FGF10: variants seen among roughly 807,000 people sequenced by gnomAD.
The protein encoded by FGF10 is FGF-10.
In FGF10, 2 loss-of-function variants were observed where a neutral mutation model predicts 19.8. That is an observed-to-expected ratio of 0.10 (90% CI 0.04 to 0.32). The LOEUF is 0.32. FGF10 is among the 10% of genes least tolerant of loss of function. The pLI is 1.00. For synonymous variants in FGF10, 112 were observed against 94.0 expected, an observed-to-expected ratio of 1.19 and a Z score of -1.10; for missense variants, 191 against 246.3, an observed-to-expected ratio of 0.78 and a Z score of 1.50.
chr5:44,315,573 C>T (rs1740325817), intron 1 of FGF10, among the ~76,000 whole-genome samples: 1 of 152,122 alleles, frequency 6.6e-6, no homozygotes, highest in Admixed American at 6.6e-5. Flanking sequence ...CTCATTAATT[C>T]AGAATCAGTC....
At chr5:44,348,167 CT>C (rs1236215763) in intron 1 of FGF10, among the ~76,000 whole-genome samples, 4 of 151,380 alleles carry the variant, frequency 2.6e-5, no homozygotes, top group Admixed American at 1.3e-4. Flanking sequence ...AGACTTGCAA[CT>C]TTTTTTTAAA....
rs191844457 is a variant in FGF10, at chr5:44,327,260, T to G, written c.326-16730A>C. Among the ~76,000 whole-genome samples the G allele has an allele frequency of 3.3e-5, 5 of 152,336 alleles. No homozygotes were observed. In the East Asian group the frequency reaches 7.7e-4, roughly 23 times the overall value. On this transcript the variant is annotated intron_variant, in intron 1 of 2. Coordinates refer to ENST00000264664, the MANE Select transcript of FGF10 (RefSeq NM_004465.2). ...ATGTTTACTGGGTATAAAAGCCATC[T>G]ACGAAACATAAGAAGGATTTCTTGT...
intron 1 of FGF10, among the ~76,000 whole-genome samples, chr5:44,384,249 A>G (rs1051511081): frequency 6.6e-5 from 10 of 152,118 alleles, no homozygotes; most frequent in African/African-American, 2.4e-4. Flanking sequence ...TTAAATAGTC[A>G]TGTATTCCTA....
chr5:44,375,684 T>C (rs895479800), intron 1 of FGF10, among the ~76,000 whole-genome samples: 3 of 152,158 alleles, frequency 2.0e-5, no homozygotes, highest in African/African-American at 7.2e-5. Context: ...GTGCCTTACA[T>C]AGACCACACT....
At chr5:44,325,539 G>A (rs1417461151) in intron 1 of FGF10, among the ~76,000 whole-genome samples, 1 of 152,118 alleles carries the variant, frequency 6.6e-6, no homozygotes, top group African/African-American at 2.4e-5. Context: ...TATACACCAT[G>A]GAATACTATG....
intron 1 of FGF10, among the ~76,000 whole-genome samples, chr5:44,329,422 G>A (rs138062648): frequency 5.3e-5 from 8 of 152,062 alleles, no homozygotes; most frequent in Admixed American, 2.0e-4. Context: ...TGATCCTCCC[G>A]CCTCGGCACC....
rs114892627 is a variant in FGF10, at chr5:44,341,282, C to T, written c.326-30752G>A. Reference sequence around the variant, plus strand: ...GAAAATGTGGTATACATAAGGAATGCTGCATTGGATAAAAATTGGTAAAAT... The same window carrying T: ...GAAAATGTGGTATACATAAGGAATGTTGCATTGGATAAAAATTGGTAAAAT... On this transcript the variant is annotated intron_variant, in intron 1 of 2. Transcript: ENST00000264664. 6.5e-3 allele frequency among the ~76,000 whole-genome samples: 990 copies of T among 151,868 alleles called. 13 individuals are homozygous for T. Among genetic ancestry groups the T allele is most frequent in the African/African-American group, 0.023 (937 of 41,448 alleles).
chr5:44,329,761 G>A (rs963975323), intron 1 of FGF10, among the ~76,000 whole-genome samples: 3 of 152,120 alleles, frequency 2.0e-5, no homozygotes, highest in Non-Finnish European at 4.4e-5. Flanking sequence ...GCAAAATCTT[G>A]TCAAGCTAAA....
intron 2 of FGF10, among the ~76,000 whole-genome samples, chr5:44,307,287 A>C (rs1740100766): frequency 6.6e-6 from 1 of 152,174 alleles, no homozygotes. Flanking sequence ...AATCATAAGC[A>C]GTTATGTATA....
At chr5:44,368,165 A>T (rs995463315) in intron 1 of FGF10, among the ~76,000 whole-genome samples, 1 of 152,082 alleles carries the variant, frequency 6.6e-6, no homozygotes, top group African/African-American at 2.4e-5. Flanking sequence ...ACTAATAAGG[A>T]CATGAGAGGG....
chr5:44,325,484 G>A (rs13178118), intron 1 of FGF10, among the ~76,000 whole-genome samples: 1 of 151,934 alleles, frequency 6.6e-6, no homozygotes, highest in Admixed American at 6.6e-5. Context: ...TGGAACCAAC[G>A]CAAATGTCCA....
chr5:44,321,614 A>G (rs73755407), intron 1 of FGF10, among the ~76,000 whole-genome samples: 2,531 of 152,312 alleles, frequency 0.017, 61 homozygotes, highest in African/African-American at 0.056. Context: ...TGTGTCATCT[A>G]CAGAGAAATG....
intron 1 of FGF10, among the ~76,000 whole-genome samples, chr5:44,370,969 G>A (rs1741729208): frequency 6.6e-6 from 1 of 152,078 alleles, no homozygotes; most frequent in African/African-American, 2.4e-5. Context: ...ACACAGTAAT[G>A]TCAACATAAA....
intron 1 of FGF10, among the ~76,000 whole-genome samples, chr5:44,322,221 T>G (rs910280373): frequency 6.6e-6 from 1 of 152,182 alleles, no homozygotes; most frequent in Non-Finnish European, 1.5e-5. Context: ...CTTGCCTATT[T>G]GTGTGACATA....
intron 1 of FGF10, among the ~76,000 whole-genome samples, chr5:44,334,017 A>G (rs1257612471): frequency 6.6e-6 from 1 of 152,032 alleles, no homozygotes; most frequent in African/African-American, 2.4e-5. Context: ...CTTTATTTTC[A>G]GAAACAAATG....
intron 1 of FGF10, among the ~76,000 whole-genome samples, chr5:44,335,739 T>C (rs1005565438): frequency 2.0e-5 from 3 of 152,098 alleles, no homozygotes; most frequent in Non-Finnish European, 2.9e-5. Context: ...TTATTGACTA[T>C]ACAGATTGGG....
chr5:44,324,847 T>C (rs1348226108), intron 1 of FGF10, among the ~76,000 whole-genome samples: 1 of 152,190 alleles, frequency 6.6e-6, no homozygotes, highest in Non-Finnish European at 1.5e-5. Flanking sequence ...TAAACATCTA[T>C]AAGGAATAAG....
intron 1 of FGF10, among the ~76,000 whole-genome samples, chr5:44,345,958 A>G (rs984431342): frequency 1.3e-5 from 2 of 151,816 alleles, no homozygotes; most frequent in African/African-American, 2.4e-5. Flanking sequence ...TTTAAATTCA[A>G]TACATATGTT....
Position 44,388,428 on chromosome 5 carries a change from G to A in FGF10, c.255C>T (p.Phe85=). 1 of 1,613,964 alleles carries A rather than the reference G, an allele frequency of 6.2e-7. No individual in the cohort carries two copies. ...GDVRWRKLFS[F]TKYFLKIEKN... ...TCTCAATCTTGAGAAAGTACTTGGTGAAAGAGAATAGCTTTCTCCAGCGGA... is the reference window on the plus strand; with the variant it reads ...TCTCAATCTTGAGAAAGTACTTGGTAAAAGAGAATAGCTTTCTCCAGCGGA... The change falls in exon 1 of 3, where the codon TTC becomes TTT. Residue 85 remains phenylalanine, a synonymous_variant. Coordinates refer to ENST00000264664, the MANE Select transcript of FGF10 (RefSeq NM_004465.2).
Sources: gnomAD v4.1 joint callset for allele counts (sites outside exome capture counted in the v4.1 genomes callset) on GRCh38, gnomAD v4.1.1 for gene constraint, MANE v1.5 for transcripts, NCBI Gene and HGNC (gene_info 2026-07-23, HGNC 2026-07-21) for gene names.